FBN3: variants seen among roughly 807,000 people sequenced by gnomAD.
FBN3 encodes fibrillin-3.
In FBN3, 234 loss-of-function variants were observed where a neutral mutation model predicts 330.1. The ratio of observed to expected loss-of-function variants is 0.71; its 90% CI spans 0.64 to 0.79. The LOEUF is 0.79. Ranked by LOEUF, FBN3 falls within the 30% of genes least tolerant of loss-of-function variation. FBN3 has a pLI of 0.00. For missense variants in FBN3, 3,606 were observed against 3,886.9 expected (o/e 0.93, Z 1.92); for synonymous variants, 1,458 against 1,517.3 (o/e 0.96, Z 0.91).
rs1286565980 is a variant in FBN3 at position 8,136,273 on chromosome 19, C to G, written c.1382G>C (p.Gly461Ala). Residue 461 changes from glycine (G) to alanine (A), a missense_variant, in exon 12 of 64, where the codon GGT becomes GCT. Gly to Ala is a moderately conservative substitution (Grantham distance 60, BLOSUM62 0). Transcript: ENST00000600128. ...GGTGCCGGGGATGTTGACGCAGTCA[C>G]CGTGGTGGCAGGGGCTGCTGGTGCA... ...DECTSSPCHH[G>A]DCVNIPGTYH... 1 of 1,605,092 alleles carries G rather than the reference C, an allele frequency of 6.2e-7. No homozygotes were observed. The highest frequency in any genetic ancestry group is 1.1e-5 in the South Asian group (1 of 89,724).
Position 8,110,954 on chromosome 19 carries a change from A to G in FBN3, c.4224T>C (p.Cys1408=), listed in dbSNP as rs138734167. 2.6e-5 allele frequency: 42 copies of G among 1,614,130 alleles called. No individual in the cohort carries two copies. In the African/African-American group the frequency reaches 3.7e-4, roughly 14 times the overall value. The change falls in exon 34 of 64, where the codon TGT becomes TGC. Residue 1408 remains cysteine, a synonymous_variant. Coordinates refer to ENST00000600128, the MANE Select transcript of FBN3 (RefSeq NM_032447.5). ...DHRACQDVDE[C]AQGNLCAFGS... ...CAAATGCACAGAGGTTCCCTTGCGC[A>G]CACTCGTCCACATCTGCGGGGACCC...
intron 13 of FBN3, among the ~76,000 whole-genome samples, chr19:8,133,681 T>C (rs1465710948): frequency 6.6e-6 from 1 of 152,002 alleles, no homozygotes. Flanking sequence ...CTTGAACTCC[T>C]GACCTCGTGA....
chr19:8,136,710 TCTAGATCCCTCCAACCTGGGAC>T (rs1202914825), intron 10 of FBN3, among the ~76,000 whole-genome samples, 179 bp from the exon 11 acceptor site: 4 of 151,828 alleles, frequency 2.6e-5, no homozygotes, highest in Admixed American at 1.3e-4. Context: ...CAACCTGGGA[TCTAGATCCCTCCAACCTGGGAC>T]CTAGATCCCT....
intron 38 of FBN3, among the ~76,000 whole-genome samples, chr19:8,104,797 A>G (rs1005164110): frequency 6.6e-6 from 1 of 152,206 alleles, no homozygotes; most frequent in Admixed American, 6.5e-5. Flanking sequence ...AGACACAAAC[A>G]ATATGCAAAC....
intron 20 of FBN3, 60 bp downstream of exon 20, chr19:8,126,408 G>T (rs1488820120): frequency 6.3e-6 from 10 of 1,588,872 alleles, no homozygotes; most frequent in Non-Finnish European, 8.6e-6. Context: ...CCCAAGGGGG[G>T]ACCCGCCCCA....
intron 13 of FBN3, 25 bp downstream of exon 13, chr19:8,135,936 G>GGGGGGGGGGGGGGGGCGCCCCCCCCCC: frequency 1.5e-6 from 1 of 668,774 alleles, no homozygotes. Context: ...GGAAGCCCCT[G>GGGGGGGGGGGGGGGGCGCCCCCCCCCC]CCCACCCGCC....
At chr19:8,144,522 A>G (rs1323135179) in intron 6 of FBN3, among the ~76,000 whole-genome samples, 3 of 151,690 alleles carry the variant, frequency 2.0e-5, no homozygotes, top group Non-Finnish European at 4.4e-5. Context: ...CCTTCCATGG[A>G]GCAGATGGTT....
rs547000757 is a variant in FBN3, at chr19:8,079,791, T to C, written c.7453+1212A>G. Among the ~76,000 whole-genome samples the C allele has an allele frequency of 2.0e-5, 3 of 152,248 alleles. No individual in the cohort carries two copies. The East Asian group carries it at 5.8e-4, about 29-fold the overall frequency. ...TTTTAGTAGAAACGGGGTTTTGTCA[T>C]GTTGGCCAGGCTGGTCTCGAATTCC... On this transcript the variant is annotated intron_variant, in intron 59 of 63. Coordinates refer to ENST00000600128, the MANE Select transcript of FBN3 (RefSeq NM_032447.5).
intron 36 of FBN3, 36 bp from the exon 37 acceptor site, chr19:8,108,274 T>C (rs2082493555): frequency 1.9e-6 from 3 of 1,567,058 alleles, no homozygotes; most frequent in Non-Finnish European, 2.6e-6. Flanking sequence ...AGGTGGGGTA[T>C]TGGGGCAAAG....
Position 8,118,634 on chromosome 19 carries a change from CACAA to C in FBN3, c.3337+259_3337+262del, listed in dbSNP as rs2082764805. On this transcript the variant is annotated intron_variant, in intron 26 of 63. Coordinates refer to ENST00000600128, the MANE Select transcript of FBN3 (RefSeq NM_032447.5). ...GTACAGACACACAGTCACACAAATGCACAAACGCTTGCCCTTGTACAGACACTCA... is the reference window on the plus strand; with the variant it reads ...GTACAGACACACAGTCACACAAATGCACGCTTGCCCTTGTACAGACACTCA... Among the ~76,000 whole-genome samples the C allele has an allele frequency of 1.3e-5, 2 of 152,200 alleles. 1 individual carries two copies. The highest frequency in any genetic ancestry group is 6.8e-3 in the Middle Eastern group (2 of 294).
intron 34 of FBN3, among the ~76,000 whole-genome samples, chr19:8,110,095 G>A (rs11880234): frequency 0.13 from 19,718 of 152,124 alleles, 1,534 homozygotes; most frequent in African/African-American, 0.21. Flanking sequence ...TTGCTGTGTC[G>A]ACCAGGCTGG....
chr19:8,108,392 G>A (rs954428324), intron 36 of FBN3, among the ~76,000 whole-genome samples, 154 bp from the exon 37 acceptor site: 2 of 152,136 alleles, frequency 1.3e-5, no homozygotes, highest in Non-Finnish European at 2.9e-5. Flanking sequence ...TAGCCTCTTG[G>A]GGCCAAGAGA....
intron 48 of FBN3, 75 bp from the exon 49 acceptor site, chr19:8,090,326 C>T: frequency 6.5e-7 from 1 of 1,548,752 alleles, no homozygotes; most frequent in Non-Finnish European, 8.8e-7. Flanking sequence ...CCTCCCGCAC[C>T]CCAGTCCTGG....
At chr19:8,067,126 TTTC>T (rs1169072439) in intron 63 of FBN3, among the ~76,000 whole-genome samples, 5 of 150,112 alleles carry the variant, frequency 3.3e-5, no homozygotes, top group African/African-American at 4.9e-5. Context: ...TCTTCTTCTT[TTTC>T]TTTTTTTTTT....
chr19:8,089,792 C>G, intron 50 of FBN3, 102 bp downstream of exon 50: 1 of 1,538,500 alleles, frequency 6.5e-7, no homozygotes, highest in Non-Finnish European at 8.8e-7. Flanking sequence ...TCCAGGGCCA[C>G]CCAGGCTCTC....
At chr19:8,143,815 CTTTCT>C (rs750915909) in intron 6 of FBN3, among the ~76,000 whole-genome samples, 28 of 137,856 alleles carry the variant, frequency 2.0e-4, no homozygotes, top group Non-Finnish European at 2.0e-4. Flanking sequence ...TTCTTTCTTT[CTTTCT>C]TTTTTTTTTT....
intron 40 of FBN3, 42 bp downstream of exon 40, chr19:8,102,682 G>A (rs372096284): frequency 2.6e-5 from 42 of 1,591,966 alleles, no homozygotes; most frequent in Non-Finnish European, 3.4e-5. Flanking sequence ...CATTATGCTA[G>A]GAGGGGCCAG....
chr19:8,086,288 GAC>G lies in FBN3; in HGVS notation c.6790_6791del (p.Val2264GlnfsTer16). On this transcript the variant is annotated frameshift_variant, in exon 55 of 64. Coordinates refer to ENST00000600128, the MANE Select transcript of FBN3 (RefSeq NM_032447.5). LOFTEE classifies it high-confidence loss of function. ...CCGCGGTGTTGACACAGCGGCCGTT[GAC>G]ACAGAGGTCAGGCTGAGCGTGGCAT... ...NECHAQPDLC[V>X]NGRCVNTAGS... 5.6e-6 allele frequency: 9 copies of G among 1,612,558 alleles called. No homozygotes were observed. Among genetic ancestry groups the G allele is most frequent in the Non-Finnish European group, 6.8e-6 (8 of 1,179,128 alleles).
At chr19:8,083,805 C>CTT (rs372453716) in intron 56 of FBN3, among the ~76,000 whole-genome samples, 17 of 134,096 alleles carry the variant, frequency 1.3e-4, no homozygotes, top group East Asian at 2.1e-4. Flanking sequence ...ACTATTTTTT[C>CTT]TTTTTTTTTT....
Sources: allele counts gnomAD v4.1 joint callset (sites outside exome capture counted in the v4.1 genomes callset), GRCh38; gene constraint gnomAD v4.1.1; transcripts MANE v1.5; gene names NCBI Gene and HGNC (gene_info 2026-07-23, HGNC 2026-07-21).